The following ST8SIA6 variants were observed in gnomAD, a reference collection of about 807,000 sequenced individuals.
ST8SIA6 encodes the protein ST8 alpha-N-acetyl-neuraminide alpha-2,8-sialyltransferase 6.
ST8SIA6 carries 39 observed loss-of-function variants against 33.6 expected under a neutral mutation model. The observed-to-expected ratio is 1.16, with a 90% CI of 0.90 to 1.52. The LOEUF (loss-of-function observed/expected upper bound fraction) is 1.52, where lower values mean the gene tolerates loss of function less well. Ranked by LOEUF, ST8SIA6 falls within the 40% of genes most tolerant of loss-of-function variation. The pLI is 0.00. For missense variants in ST8SIA6, 441 were observed against 443.8 expected (o/e 0.99, Z 0.06); for synonymous variants, 172 against 167.2 (o/e 1.03, Z -0.22).
intron 4 of ST8SIA6, among the ~76,000 whole-genome samples, chr10:17,351,712 A>C (rs12777638): frequency 6.6e-6 from 1 of 152,062 alleles, no homozygotes; most frequent in Non-Finnish European, 1.5e-5. Context: ...GGAATAGTAT[A>C]CAGCCTTAAA....
chr10:17,416,022 G>A (rs1028811441), intron 2 of ST8SIA6, among the ~76,000 whole-genome samples: 1 of 151,782 alleles, frequency 6.6e-6, no homozygotes, highest in Non-Finnish European at 1.5e-5. Flanking sequence ...TGCCCAGGCT[G>A]GTCTTGAACT....
intron 2 of ST8SIA6, among the ~76,000 whole-genome samples, chr10:17,400,731 C>A (rs1851007077): frequency 6.6e-6 from 1 of 152,230 alleles, no homozygotes. Flanking sequence ...ATTCAACAGC[C>A]CTTCATGCTA....
chr10:17,429,017 T>C (rs1007515311), intron 2 of ST8SIA6, among the ~76,000 whole-genome samples: 11 of 152,080 alleles, frequency 7.2e-5, no homozygotes, highest in African/African-American at 2.7e-4. Context: ...TGGGGATTCA[T>C]GATGATATTA....
intron 2 of ST8SIA6, among the ~76,000 whole-genome samples, chr10:17,441,872 T>A (rs1030171603): frequency 1.6e-5 from 2 of 124,056 alleles, no homozygotes; most frequent in African/African-American, 6.2e-5. Context: ...TATAAAACAA[T>A]TTTTTTTTTT....
chr10:17,374,071 CCACACACACACA>C (rs58234998), intron 3 of ST8SIA6, among the ~76,000 whole-genome samples: 28,120 of 139,056 alleles, frequency 0.2, 3,072 homozygotes, highest in East Asian at 0.5. Context: ...TCAACAACCA[CCACACACACACA>C]CACACACACA....
At chr10:17,385,227 T>A (rs1358285209) in intron 3 of ST8SIA6, among the ~76,000 whole-genome samples, 1 of 152,134 alleles carries the variant, frequency 6.6e-6, no homozygotes, top group African/African-American at 2.4e-5. Flanking sequence ...TTCGAAAAGC[T>A]CATCAGAAAC....
At chr10:17,358,490 CAT>C (rs1849267783) in intron 4 of ST8SIA6, among the ~76,000 whole-genome samples, 1 of 151,788 alleles carries the variant, frequency 6.6e-6, no homozygotes, top group African/African-American at 2.4e-5. Context: ...AAGATAAAGA[CAT>C]GTCTCTGGAT....
intron 3 of ST8SIA6, among the ~76,000 whole-genome samples, chr10:17,380,840 T>C (rs546044944): frequency 7.6e-6 from 1 of 131,470 alleles, no homozygotes; most frequent in South Asian, 2.4e-4. Context: ...TTTGTATGTG[T>C]ACGTTTGTGT....
At chr10:17,354,041 T>C (rs1213625771) in intron 4 of ST8SIA6, among the ~76,000 whole-genome samples, 3 of 152,182 alleles carry the variant, frequency 2.0e-5, no homozygotes, top group Non-Finnish European at 4.4e-5. Context: ...GTTAGAAAAC[T>C]ATTCAAGAAA....
rs915411095 is a variant in ST8SIA6, at chr10:17,321,120, A to G, written c.955T>C (p.Tyr319His). ...ATCATCAAGCCGGTGGACAAGCGGT[A>G]TGCAGTCACACCTTTAGTTCTCCAG... is the stretch of plus-strand genomic sequence containing the variant. Reference protein sequence around the residue: ...LFWRTKGVTAYRLSTGLMITS... With the variant: ...LFWRTKGVTAHRLSTGLMITS... The change falls in exon 8 of 8, where the codon TAC (tyrosine) becomes CAC (histidine). Residue 319 changes from tyrosine to histidine, a missense_variant. Tyr to His is a moderately conservative substitution (Grantham distance 83). Transcript: ENST00000377602. The G allele has an allele frequency of 6.8e-6, 11 of 1,614,040 alleles. No homozygotes were observed. Among genetic ancestry groups the G allele is most frequent in the Middle Eastern group, 3.3e-4 (2 of 6,082 alleles).
intron 4 of ST8SIA6, among the ~76,000 whole-genome samples, chr10:17,340,815 A>G (rs573749830): frequency 8.2e-4 from 125 of 152,320 alleles, no homozygotes; most frequent in African/African-American, 2.9e-3. Context: ...TTAACAAAAA[A>G]TAAAAGAGCT....
At chr10:17,344,392 A>T (rs1002287658) in intron 4 of ST8SIA6, among the ~76,000 whole-genome samples, 6 of 152,358 alleles carry the variant, frequency 3.9e-5, no homozygotes, top group African/African-American at 1.4e-4. Flanking sequence ...GAGCAAAGCC[A>T]CATCTCACAT....
At position 17,439,021 on chromosome 10, in the gene ST8SIA6, A is replaced by G. The variant is rs530691117; in HGVS notation, c.200+14538T>C. 1.4e-3 allele frequency among the ~76,000 whole-genome samples: 219 copies of G among 152,348 alleles called. 2 individuals are homozygous for G. The highest frequency in any genetic ancestry group is 1.6e-3 in the Admixed American group (24 of 15,298). ...ACCCAAAATGTGCTTCACAGCCTCC[A>G]TAAGATGACATATTATGGCAAATAA... is the stretch of plus-strand genomic sequence containing the variant. On this transcript the variant is annotated intron_variant, in intron 2 of 7. Transcript: ENST00000377602.
At chr10:17,399,078 C>G (rs1564445142) in intron 2 of ST8SIA6, 2 of 152,188 alleles carry the variant, frequency 1.3e-5, no homozygotes, top group Admixed American at 6.5e-5. Context: ...TAACAAAAGT[C>G]TGCCTTTGTA....
At chr10:17,396,710 A>C (rs1037372967) in intron 2 of ST8SIA6, among the ~76,000 whole-genome samples, 1 of 151,980 alleles carries the variant, frequency 6.6e-6, no homozygotes, top group South Asian at 2.1e-4. Context: ...TCCCAGCTCA[A>C]TTCCATCTCA....
At chr10:17,323,238 C>G in intron 6 of ST8SIA6, 81 bp from the exon 7 acceptor site, 2 of 789,538 alleles carry the variant, frequency 2.5e-6, no homozygotes, top group Non-Finnish European at 4.2e-6. Context: ...CGCACACACA[C>G]ACACACACAC....
chr10:17,331,905 G>A (rs1848314516), intron 4 of ST8SIA6, among the ~76,000 whole-genome samples: 1 of 152,090 alleles, frequency 6.6e-6, no homozygotes, highest in Non-Finnish European at 1.5e-5. Context: ...TAGGTTTTAA[G>A]CCCCACATGC....
intron 2 of ST8SIA6, among the ~76,000 whole-genome samples, chr10:17,441,220 G>A (rs1021684312): frequency 6.6e-6 from 1 of 151,788 alleles, no homozygotes; most frequent in Non-Finnish European, 1.5e-5. Context: ...TTTTCTTTTG[G>A]ACATTTTCTG....
intron 3 of ST8SIA6, among the ~76,000 whole-genome samples, chr10:17,378,659 G>A (rs575424096): frequency 8.5e-5 from 13 of 152,192 alleles, no homozygotes; most frequent in African/African-American, 3.1e-4. Context: ...ATCAAAACCG[G>A]CAAGTAGTGC....
Sources: gnomAD v4.1 joint callset for allele counts (sites outside exome capture counted in the v4.1 genomes callset) on GRCh38, gnomAD v4.1.1 for gene constraint, MANE v1.5 for transcripts, NCBI Gene and HGNC (gene_info 2026-07-23, HGNC 2026-07-21) for gene names.